Variants in FCHSD2 observed in about 807,000 individuals in gnomAD.
FCHSD2 encodes FCH and double SH3 domains 2.
Under a neutral mutation model 108.1 loss-of-function variants are expected in FCHSD2, and 38 were observed. The observed-to-expected ratio is 0.35, with a 90% CI of 0.27 to 0.46. The LOEUF (loss-of-function observed/expected upper bound fraction) is 0.46. FCHSD2 is among the 20% of genes least tolerant of loss of function. FCHSD2 has a pLI of 1.00. For missense variants in FCHSD2, 751 were observed against 897.8 expected, an observed-to-expected ratio of 0.84 and a Z score of 2.09; for synonymous variants, 279 against 314.7, an observed-to-expected ratio of 0.89 and a Z score of 1.20.
intron 2 of FCHSD2, among the ~76,000 whole-genome samples, chr11:73,108,865 C>T (rs997236152): frequency 3.3e-5 from 5 of 152,202 alleles, no homozygotes; most frequent in African/African-American, 1.2e-4. Context: ...GCCACCGCGC[C>T]CAGCCTAGAT....
chr11:73,066,264 A>G (rs1203504493), intron 3 of FCHSD2, among the ~76,000 whole-genome samples: 2 of 152,210 alleles, frequency 1.3e-5, no homozygotes, highest in Non-Finnish European at 2.9e-5. Context: ...TACCTATTTA[A>G]TAAATGTTGT....
chr11:72,842,903 A>G, intron 16 of FCHSD2, 62 bp from the exon 17 acceptor site: 2 of 1,263,046 alleles, frequency 1.6e-6, no homozygotes, highest in Non-Finnish European at 2.3e-6. Context: ...TTTTGCAACC[A>G]CCCCTATGCT....
chr11:73,014,123 T>A (rs959667696), intron 4 of FCHSD2, among the ~76,000 whole-genome samples: 5 of 148,050 alleles, frequency 3.4e-5, no homozygotes, highest in Non-Finnish European at 6.0e-5. Flanking sequence ...CTGTGTGGTT[T>A]CTTTTTTTTT....
At chr11:72,951,534 G>C (rs1318675000) in intron 8 of FCHSD2, among the ~76,000 whole-genome samples, 5 of 152,150 alleles carry the variant, frequency 3.3e-5, no homozygotes, top group African/African-American at 4.8e-5. Context: ...ACACATTTCT[G>C]AACTGTGGGA....
intron 2 of FCHSD2, among the ~76,000 whole-genome samples, chr11:73,094,766 C>T (rs980647971): frequency 6.6e-6 from 1 of 152,040 alleles, no homozygotes; most frequent in Non-Finnish European, 1.5e-5. Flanking sequence ...AAAGAAATAT[C>T]TTAATTTTGT....
At chr11:72,997,723 A>T (rs189840977) in intron 5 of FCHSD2, among the ~76,000 whole-genome samples, 1 of 152,272 alleles carries the variant, frequency 6.6e-6, no homozygotes, top group East Asian at 1.9e-4. Context: ...TGTTTTGAGA[A>T]AGGGTCTCCC....
Position 72,989,078 on chromosome 11 carries a change from T to G in FCHSD2, c.407A>C (p.Lys136Thr). ...QLKRCVDQLTKIQTELQETVK... is the reference protein window; with the variant it reads ...QLKRCVDQLTTIQTELQETVK... ...TGTCTCTTGTAATTCAGTTTGGATCTTTGTCAACTGGTCCACACACTGTAA... is the reference window on the plus strand; with the variant it reads ...TGTCTCTTGTAATTCAGTTTGGATCGTTGTCAACTGGTCCACACACTGTAA... Residue 136 changes from lysine (K) to threonine (T), a missense_variant, in exon 6 of 20, where the codon AAG (lysine) becomes ACG (threonine). Coordinates refer to ENST00000409418, the MANE Select transcript of FCHSD2 (RefSeq NM_014824.3). 6.2e-7 allele frequency: 1 copy of G among 1,608,660 alleles called. No homozygotes were observed. Among genetic ancestry groups the G allele is most frequent in the Non-Finnish European group, 8.5e-7 (1 of 1,177,028 alleles).
intron 6 of FCHSD2, among the ~76,000 whole-genome samples, chr11:72,985,933 A>G (rs1302660690): frequency 6.6e-6 from 1 of 152,182 alleles, no homozygotes; most frequent in African/African-American, 2.4e-5. Flanking sequence ...CTTCAGTGTC[A>G]GGGTGATTTC....
At chr11:73,012,496 G>A (rs1280745707) in intron 4 of FCHSD2, among the ~76,000 whole-genome samples, 1 of 152,090 alleles carries the variant, frequency 6.6e-6, no homozygotes, top group Admixed American at 6.6e-5. Flanking sequence ...GTATTACTTG[G>A]ATAAGAATTT....
chr11:72,953,378 A>T (rs1591430863), intron 8 of FCHSD2, among the ~76,000 whole-genome samples: 1 of 152,220 alleles, frequency 6.6e-6, no homozygotes, highest in African/African-American at 2.4e-5. Flanking sequence ...CTGCTTTCTG[A>T]AATATCTACA....
At chr11:72,856,347 C>T (rs1487293183) in intron 13 of FCHSD2, among the ~76,000 whole-genome samples, 1 of 152,136 alleles carries the variant, frequency 6.6e-6, no homozygotes, top group Non-Finnish European at 1.5e-5. Context: ...TCTACTTTTT[C>T]ATGAATTAAA....
chr11:73,037,246 T>C (rs1224472402), intron 3 of FCHSD2, among the ~76,000 whole-genome samples: 1 of 152,132 alleles, frequency 6.6e-6, no homozygotes, highest in African/African-American at 2.4e-5. Flanking sequence ...CCCACCACAG[T>C]GGTACATTTA....
chr11:73,081,360 G>A (rs1859680806), intron 3 of FCHSD2, among the ~76,000 whole-genome samples: 1 of 152,066 alleles, frequency 6.6e-6, no homozygotes, highest in South Asian at 2.1e-4. Flanking sequence ...CTTGAACTTG[G>A]GAGGTGGAGG....
intron 4 of FCHSD2, among the ~76,000 whole-genome samples, chr11:73,004,000 C>T (rs1857683033): frequency 6.8e-6 from 1 of 147,082 alleles, no homozygotes; most frequent in Non-Finnish European, 1.5e-5. Context: ...CCACCAGCTA[C>T]TCAGGAGACT....
intron 2 of FCHSD2, among the ~76,000 whole-genome samples, chr11:73,106,398 T>A: frequency 7.0e-6 from 1 of 143,304 alleles, no homozygotes; most frequent in Non-Finnish European, 1.5e-5. Context: ...AGAATGAGAC[T>A]CTGTCTCCAA....
At chr11:72,997,356 A>C (rs1361438172) in intron 5 of FCHSD2, among the ~76,000 whole-genome samples, 1 of 152,198 alleles carries the variant, frequency 6.6e-6, no homozygotes, top group Non-Finnish European at 1.5e-5. Flanking sequence ...TAACAGAATC[A>C]AGGTGATCTA....
intron 2 of FCHSD2, among the ~76,000 whole-genome samples, chr11:73,089,971 T>G (rs536934717): frequency 8.4e-4 from 128 of 152,192 alleles, no homozygotes; most frequent in African/African-American, 3.0e-3. Flanking sequence ...TAAAATAGCT[T>G]GGTAATGGAA....
intron 8 of FCHSD2, among the ~76,000 whole-genome samples, chr11:72,965,283 A>G (rs1856887218): frequency 6.6e-6 from 1 of 152,200 alleles, no homozygotes. Flanking sequence ...TGTTGCCTCT[A>G]TACTTGGAAA....
chr11:73,121,593 A>G (rs993683504), intron 2 of FCHSD2, among the ~76,000 whole-genome samples: 15 of 152,194 alleles, frequency 9.9e-5, no homozygotes, highest in African/African-American at 3.6e-4. Flanking sequence ...TTATAAACAG[A>G]AAATCAACCT....
Sources: allele counts gnomAD v4.1 joint callset (sites outside exome capture counted in the v4.1 genomes callset), GRCh38; gene constraint gnomAD v4.1.1; transcripts MANE v1.5; gene names NCBI Gene and HGNC (gene_info 2026-07-23, HGNC 2026-07-21).